KCNQ3: variants seen among roughly 807,000 people sequenced by gnomAD.
KCNQ3 encodes potassium voltage-gated channel subfamily Q member 3.
A neutral mutation model predicts 92.5 loss-of-function variants in KCNQ3; 30 were observed. The ratio of observed to expected loss-of-function variants is 0.32; its 90% CI spans 0.24 to 0.44. The LOEUF is 0.44. Among genes scored for constraint, KCNQ3 ranks in the 20% least tolerant of loss-of-function variants. The probability of loss-of-function intolerance (pLI) is 1.00; values close to 1 mark genes in which losing one functional copy is unlikely to be tolerated. For synonymous variants in KCNQ3, 450 were observed against 468.8 expected (o/e 0.96, Z 0.52); for missense variants, 913 against 1,140.3 (o/e 0.80, Z 2.87).
intron 1 of KCNQ3, among the ~76,000 whole-genome samples, chr8:132,215,814 C>A (rs1814012541): frequency 6.6e-6 from 1 of 152,138 alleles, no homozygotes; most frequent in East Asian, 1.9e-4. Context: ...TCCAGAGTTC[C>A]CCTGTGGGCA....
chr8:132,305,115 G>A (rs1817378047), intron 1 of KCNQ3, among the ~76,000 whole-genome samples: 1 of 152,196 alleles, frequency 6.6e-6, no homozygotes, highest in Non-Finnish European at 1.5e-5. Context: ...GCTTCTGATA[G>A]AGTTTGGTTA....
intron 1 of KCNQ3, among the ~76,000 whole-genome samples, chr8:132,344,796 G>A (rs1047096378): frequency 1.8e-4 from 28 of 152,206 alleles, no homozygotes; most frequent in African/African-American, 6.8e-4. Flanking sequence ...AATGGAGACT[G>A]GAGAGGAACC....
chr8:132,183,285 A>G (rs1433967344), intron 3 of KCNQ3, among the ~76,000 whole-genome samples: 1 of 152,154 alleles, frequency 6.6e-6, no homozygotes, highest in Non-Finnish European at 1.5e-5. Flanking sequence ...GAGAGGGGGA[A>G]TAACATGTCT....
intron 1 of KCNQ3, among the ~76,000 whole-genome samples, chr8:132,257,600 A>T (rs972319874): frequency 1.3e-5 from 2 of 151,978 alleles, no homozygotes; most frequent in Non-Finnish European, 2.9e-5. Context: ...TACAAAAATT[A>T]GCTGGGTGTG....
intron 1 of KCNQ3, among the ~76,000 whole-genome samples, chr8:132,353,696 C>T (rs980509079): frequency 6.6e-6 from 1 of 152,070 alleles, no homozygotes; most frequent in African/African-American, 2.4e-5. Flanking sequence ...CGGCTGTAAT[C>T]TCAGCTACTC....
chr8:132,419,789 C>G (rs1587003232), intron 1 of KCNQ3, among the ~76,000 whole-genome samples: 1 of 152,182 alleles, frequency 6.6e-6, no homozygotes, highest in African/African-American at 2.4e-5. Flanking sequence ...TCCAAGGCAA[C>G]ACAGATATTC....
chr8:132,427,572 C>G (rs1052760639), intron 1 of KCNQ3, among the ~76,000 whole-genome samples: 1 of 152,202 alleles, frequency 6.6e-6, no homozygotes, highest in African/African-American at 2.4e-5. Flanking sequence ...CTGTAAGCTG[C>G]ATTTGCTCTC....
At chr8:132,283,959 C>T (rs763642928) in intron 1 of KCNQ3, among the ~76,000 whole-genome samples, 2 of 152,136 alleles carry the variant, frequency 1.3e-5, no homozygotes, top group Non-Finnish European at 2.9e-5. Flanking sequence ...CTGACAGATT[C>T]TGTGTTTGGC....
rs879336344 is a variant in KCNQ3, at chr8:132,220,820, AT to A, written c.387-34640del. Among the ~76,000 whole-genome samples, 28 of 145,792 alleles carry A rather than the reference AT, an allele frequency of 1.9e-4. 1 individual carries two copies. The South Asian group carries it at 6.1e-3, about 32-fold the overall frequency. ...TATCAATGGCATGAAACTTTTTTTT[AT>A]TTTTTTTATTATACTTTAAGTTCTA... On this transcript the variant is annotated intron_variant, in intron 1 of 14. Transcript: ENST00000388996.
At chr8:132,204,244 T>C (rs1416582683) in intron 1 of KCNQ3, among the ~76,000 whole-genome samples, 1 of 152,228 alleles carries the variant, frequency 6.6e-6, no homozygotes, top group Non-Finnish European at 1.5e-5. Flanking sequence ...CGGAGGCAGA[T>C]CCTGCATCTC....
chr8:132,207,253 T>C (rs1315615802), intron 1 of KCNQ3, among the ~76,000 whole-genome samples: 1 of 152,216 alleles, frequency 6.6e-6, no homozygotes, highest in Non-Finnish European at 1.5e-5. Context: ...GACATGATTT[T>C]ACACGATCTC....
chr8:132,175,174 A>C (rs1826506536), intron 5 of KCNQ3, among the ~76,000 whole-genome samples: 1 of 152,234 alleles, frequency 6.6e-6, no homozygotes, highest in Non-Finnish European at 1.5e-5. Context: ...GGCTTGGCTG[A>C]AAATAGCCTA....
rs144109392 is a variant in KCNQ3 at position 132,368,233 on chromosome 8, G to T, written c.386+111914C>A. Among the ~76,000 whole-genome samples, 715 of 152,268 alleles carry T rather than the reference G, an allele frequency of 4.7e-3. 5 individuals carry two copies. Among genetic ancestry groups the T allele is most frequent in the African/African-American group, 0.016 (669 of 41,554 alleles). ...TTGTTTTTCCAAGAACCTATTGAGG[G>T]CGTTAAGTGAGGACTTGCTATAATA... On this transcript the variant is annotated intron_variant, in intron 1 of 14. Transcript: ENST00000388996.
intron 1 of KCNQ3, chr8:132,447,229 G>A: frequency 2.0e-6 from 3 of 1,535,602 alleles, no homozygotes; most frequent in Non-Finnish European, 1.7e-6. Flanking sequence ...GGCTTCATAA[G>A]GTAATGAATG....
chr8:132,407,978 G>A (rs1820537717), intron 1 of KCNQ3, among the ~76,000 whole-genome samples: 1 of 152,120 alleles, frequency 6.6e-6, no homozygotes. Context: ...GACTGGCAAA[G>A]GTAAGTCGCT....
chr8:132,466,291 C>A (rs1246079743), intron 1 of KCNQ3, among the ~76,000 whole-genome samples: 1 of 152,024 alleles, frequency 6.6e-6, no homozygotes, highest in East Asian at 1.9e-4. Context: ...ACTTAAGAAT[C>A]ACCGAGAAAA....
At chr8:132,192,822 G>T (rs1349562322) in intron 1 of KCNQ3, among the ~76,000 whole-genome samples, 1 of 152,016 alleles carries the variant, frequency 6.6e-6, no homozygotes, top group Non-Finnish European at 1.5e-5. Flanking sequence ...GTTAATTTTT[G>T]GGATTTTTAA....
intron 14 of KCNQ3, 126 bp downstream of exon 14, chr8:132,132,054 C>T (rs1401218982): frequency 4.2e-6 from 3 of 716,968 alleles, no homozygotes; most frequent in East Asian, 5.5e-5. Context: ...CGCCATTGCA[C>T]TCCAGCCTGG....
intron 1 of KCNQ3, among the ~76,000 whole-genome samples, chr8:132,337,328 C>A (rs368527895): frequency 2.0e-5 from 3 of 152,176 alleles, no homozygotes; most frequent in South Asian, 4.2e-4. Context: ...TAAACCCAGT[C>A]TCTATAAAAA....
Sources: gnomAD v4.1 joint callset for allele counts (sites outside exome capture counted in the v4.1 genomes callset) on GRCh38, gnomAD v4.1.1 for gene constraint, MANE v1.5 for transcripts, NCBI Gene and HGNC (gene_info 2026-07-23, HGNC 2026-07-21) for gene names.